Variants in TMEM117 observed in about 807,000 individuals in gnomAD.
TMEM117 encodes the protein transmembrane protein 117.
TMEM117 carries 27 observed loss-of-function variants against 52.4 expected under a neutral mutation model. That is an observed-to-expected ratio of 0.51 (90% CI 0.38 to 0.71). TMEM117 has a LOEUF of 0.71. Ranked by LOEUF, TMEM117 falls within the 30% of genes least tolerant of loss-of-function variation. The pLI is 0.00. For synonymous variants in TMEM117, 215 were observed against 206.3 expected, an observed-to-expected ratio of 1.04 and a Z score of -0.36; for missense variants, 556 against 630.5, an observed-to-expected ratio of 0.88 and a Z score of 1.26.
chr12:44,289,365 A>G (rs1386786840), intron 5 of TMEM117, among the ~76,000 whole-genome samples: 4 of 151,890 alleles, frequency 2.6e-5, no homozygotes, highest in Non-Finnish European at 4.4e-5. Context: ...AAGTGCAGAT[A>G]TCTCATCAAG....
At chr12:44,268,441 G>T (rs1229574538) in intron 5 of TMEM117, among the ~76,000 whole-genome samples, 1 of 151,966 alleles carries the variant, frequency 6.6e-6, no homozygotes, top group Non-Finnish European at 1.5e-5. Context: ...ACAGCACCTG[G>T]CCCCATGGTG....
intron 6 of TMEM117, among the ~76,000 whole-genome samples, chr12:44,318,125 C>T (rs756057716): frequency 1.3e-5 from 2 of 152,130 alleles, no homozygotes; most frequent in African/African-American, 2.4e-5. Flanking sequence ...CGTACTGCAC[C>T]ACAGTCTCTC....
chr12:43,912,962 A>G (rs1283500095), intron 2 of TMEM117, among the ~76,000 whole-genome samples: 2 of 152,188 alleles, frequency 1.3e-5, no homozygotes, highest in Non-Finnish European at 2.9e-5. Flanking sequence ...TAGGCTTTGA[A>G]ACATTCCAAA....
intron 5 of TMEM117, among the ~76,000 whole-genome samples, chr12:44,226,836 G>C (rs1398035955): frequency 6.6e-6 from 1 of 152,086 alleles, no homozygotes; most frequent in Non-Finnish European, 1.5e-5. Flanking sequence ...GAGGCTTCTA[G>C]CCCCTGGAAT....
intron 6 of TMEM117, among the ~76,000 whole-genome samples, chr12:44,318,999 A>G (rs1270586514): frequency 2.0e-5 from 3 of 152,178 alleles, no homozygotes; most frequent in South Asian, 2.1e-4. Context: ...CTCATTGCTC[A>G]AGAGAAACTG....
At chr12:44,192,858 G>GT (rs1199522463) in intron 4 of TMEM117, among the ~76,000 whole-genome samples, 1 of 152,138 alleles carries the variant, frequency 6.6e-6, no homozygotes, top group Non-Finnish European at 1.5e-5. Flanking sequence ...TGGGAACATA[G>GT]TAATGCCTGG....
intron 7 of TMEM117, among the ~76,000 whole-genome samples, chr12:44,385,629 G>A (rs543240216): frequency 2.2e-4 from 34 of 152,108 alleles, no homozygotes; most frequent in Non-Finnish European, 1.0e-4. Context: ...ATAAGGAGAC[G>A]GTGATCAGTC....
At chr12:43,874,415 T>C (rs1289334433) in intron 2 of TMEM117, among the ~76,000 whole-genome samples, 1 of 125,006 alleles carries the variant, frequency 8.0e-6, no homozygotes, top group Non-Finnish European at 1.7e-5. Context: ...ACCCCGTCCC[T>C]ACTAAAAGTA....
chr12:43,940,807 G>A (rs1422857418), intron 2 of TMEM117, among the ~76,000 whole-genome samples: 1 of 152,146 alleles, frequency 6.6e-6, no homozygotes, highest in Non-Finnish European at 1.5e-5. Flanking sequence ...GCCTCCCAAA[G>A]TGCTGGGATT....
At chr12:44,129,011 C>T (rs1300573537) in intron 3 of TMEM117, among the ~76,000 whole-genome samples, 1 of 152,226 alleles carries the variant, frequency 6.6e-6, no homozygotes, top group East Asian at 1.9e-4. Flanking sequence ...AAAAGCTGTG[C>T]CATTCTGATT....
chr12:44,376,589 TGA>T lies in TMEM117; in HGVS notation c.769-5_769-4del, dbSNP rs747073260. 1 of 1,595,456 alleles carries T rather than the reference TGA, an allele frequency of 6.3e-7. No individual in the cohort carries two copies. The highest frequency in any genetic ancestry group is 8.5e-7 in the Non-Finnish European group (1 of 1,172,678). On this transcript the variant is annotated splice_region_variant and splice_polypyrimidine_tract_variant and intron_variant, in intron 6 of 7. Transcript: ENST00000266534. Reference sequence around the variant, plus strand: ...ACAAATGTTTTTATTTGATTTTCTCTGACAGGACTGGGAATTCCCACATTTCA... The same window carrying T: ...ACAAATGTTTTTATTTGATTTTCTCTCAGGACTGGGAATTCCCACATTTCA...
intron 4 of TMEM117, among the ~76,000 whole-genome samples, chr12:44,159,366 A>G (rs1271627129): frequency 2.6e-5 from 4 of 152,154 alleles, no homozygotes; most frequent in African/African-American, 9.7e-5. Context: ...AACAGACTGC[A>G]GTGTCCAACA....
the TMEM117 span, among the ~76,000 whole-genome samples, chr12:43,825,800 ATTTG>A: frequency 6.6e-6 from 1 of 152,280 alleles, no homozygotes; most frequent in African/African-American, 2.4e-5. Flanking sequence ...GGGTTCTGGA[ATTTG>A]TTTGTTAACA....
At chr12:44,104,174 T>C (rs1471802779) in intron 3 of TMEM117, among the ~76,000 whole-genome samples, 1 of 151,992 alleles carries the variant, frequency 6.6e-6, no homozygotes, top group Non-Finnish European at 1.5e-5. Flanking sequence ...TTATTTGGAA[T>C]TGAATGTAAA....
At chr12:44,398,285 A>C in the TMEM117 span, among the ~76,000 whole-genome samples, 2 of 152,082 alleles carry the variant, frequency 1.3e-5, no homozygotes. Flanking sequence ...CCCATGATGC[A>C]AGGGATCCAA....
rs982998122 is a variant in TMEM117 at position 44,018,139 on chromosome 12, T to G, written c.410+73797T>G. 5.3e-4 allele frequency among the ~76,000 whole-genome samples: 81 copies of G among 152,174 alleles called. 2 individuals carry two copies. The highest frequency in any genetic ancestry group is 4.4e-5 in the Non-Finnish European group (3 of 68,028). ...CAGCTGTGCCCAGACACAACCTTTT[T>G]CTGCCTTTGTCTTGAAATTAGATAA... On this transcript the variant is annotated intron_variant, in intron 3 of 7. Coordinates refer to ENST00000266534, the MANE Select transcript of TMEM117 (RefSeq NM_032256.3).
At chr12:44,203,802 G>T (rs1370773297) in intron 4 of TMEM117, among the ~76,000 whole-genome samples, 3 of 152,114 alleles carry the variant, frequency 2.0e-5, no homozygotes, top group Non-Finnish European at 4.4e-5. Flanking sequence ...ATAATGTTGT[G>T]GTTTGAGAGT....
At chr12:44,120,387 T>TA (rs1304850825) in intron 3 of TMEM117, among the ~76,000 whole-genome samples, 1 of 152,144 alleles carries the variant, frequency 6.6e-6, no homozygotes, top group Non-Finnish European at 1.5e-5. Flanking sequence ...AGCTTGACTA[T>TA]AATAATAGTA....
At chr12:43,968,424 G>T (rs1418102050) in intron 3 of TMEM117, among the ~76,000 whole-genome samples, 1 of 152,184 alleles carries the variant, frequency 6.6e-6, no homozygotes, top group Non-Finnish European at 1.5e-5. Context: ...ACAATATCAA[G>T]TGTCATGACA....
Sources: gnomAD v4.1 joint callset for allele counts (sites outside exome capture counted in the v4.1 genomes callset) on GRCh38, gnomAD v4.1.1 for gene constraint, MANE v1.5 for transcripts, NCBI Gene and HGNC (gene_info 2026-07-23, HGNC 2026-07-21) for gene names.